NUSAP1: variants seen among roughly 807,000 people sequenced by gnomAD.
NUSAP1 encodes nucleolar and spindle-associated protein 1.
Under a neutral mutation model 52.8 loss-of-function variants are expected in NUSAP1, and 32 were observed. That is an observed-to-expected ratio of 0.61 (90% CI 0.46 to 0.81). NUSAP1 has a LOEUF of 0.81. Among genes scored for constraint, NUSAP1 ranks in the 40% least tolerant of loss-of-function variants. NUSAP1 has a pLI of 0.00. For missense variants in NUSAP1, 499 were observed against 522.3 expected, an observed-to-expected ratio of 0.96 and a Z score of 0.43; for synonymous variants, 195 against 183.1, an observed-to-expected ratio of 1.06 and a Z score of -0.52.
At chr15:41,364,134 A>G (rs1268965731) in intron 6 of NUSAP1, among the ~76,000 whole-genome samples, 1 of 152,116 alleles carries the variant, frequency 6.6e-6, no homozygotes, top group African/African-American at 2.4e-5. Context: ...CACCTGGCCT[A>G]AGTTTATATT....
intron 3 of NUSAP1, 161 bp downstream of exon 3, chr15:41,349,402 A>G (rs186761130): frequency 9.4e-5 from 59 of 626,324 alleles, no homozygotes; most frequent in Non-Finnish European, 1.5e-4. Flanking sequence ...GCTGCTCATC[A>G]CTGCATCCCA....
chr15:41,368,425 T>C (rs2049508785), intron 7 of NUSAP1, among the ~76,000 whole-genome samples: 1 of 152,186 alleles, frequency 6.6e-6, no homozygotes, highest in South Asian at 2.1e-4. Context: ...AAGTATCTCA[T>C]TACAGTGAAC....
chr15:41,364,171 G>A (rs1410276173), intron 6 of NUSAP1, among the ~76,000 whole-genome samples: 2 of 152,108 alleles, frequency 1.3e-5, no homozygotes, highest in Non-Finnish European at 2.9e-5. Flanking sequence ...ACGTCTCAAA[G>A]CTTCCGTATT....
At position 41,342,431 on chromosome 15, in the gene NUSAP1, G is replaced by A; in HGVS notation, c.139G>A (p.Ala47Thr). The change falls in exon 2 of 11, where the codon GCA (alanine) becomes ACA (threonine). Residue 47 changes from alanine to threonine, a missense_variant. Physicochemically the swap from Ala to Thr is moderately conservative, Grantham distance 58. Coordinates refer to ENST00000559596, the MANE Select transcript of NUSAP1 (RefSeq NM_016359.5). ...KALKGYIKHEARKGNENQDES... is the reference protein window; with the variant it reads ...KALKGYIKHETRKGNENQDES... ...CTTGAAAGGCTACATTAAACATGAG[G>A]CAAGAAAAGGAAATGAGAATCAGGT... 1.9e-6 allele frequency: 3 copies of A among 1,592,846 alleles called. No individual in the cohort carries two copies. The East Asian group carries it at 6.7e-5, about 36-fold the overall frequency.
rs367568051 is a variant in NUSAP1, at chr15:41,367,396, G to C, written c.848+1807G>C. Reference sequence around the variant, plus strand: ...TTGAGCACATCTGCCTAGGCTCCAAGCAACTGGGGTCATGGTGTTGCAGCC... The same window carrying C: ...TTGAGCACATCTGCCTAGGCTCCAACCAACTGGGGTCATGGTGTTGCAGCC... On this transcript the variant is annotated intron_variant, in intron 7 of 10. Coordinates refer to ENST00000559596, the MANE Select transcript of NUSAP1 (RefSeq NM_016359.5). 1.1e-4 allele frequency among the ~76,000 whole-genome samples: 17 copies of C among 152,302 alleles called. No individual in the cohort carries two copies. In the East Asian group the frequency reaches 2.1e-3, roughly 19 times the overall value.
intron 10 of NUSAP1, among the ~76,000 whole-genome samples, chr15:41,378,186 G>A (rs1256110614): frequency 6.6e-6 from 1 of 152,126 alleles, no homozygotes; most frequent in African/African-American, 2.4e-5. Flanking sequence ...TAAACACAGG[G>A]CATGTGGGTA....
At chr15:41,334,736 T>C (rs1469051674) in intron 1 of NUSAP1, among the ~76,000 whole-genome samples, 1 of 151,788 alleles carries the variant, frequency 6.6e-6, no homozygotes, top group Non-Finnish European at 1.5e-5. Flanking sequence ...TTAGTAGAGA[T>C]AGGGTTTCAC....
rs543251589 is a variant in NUSAP1, at chr15:41,377,773, G to A, written c.1232+469G>A. On this transcript the variant is annotated intron_variant, in intron 10 of 10. Transcript: ENST00000559596. ...TAATCCCAGCACTTTGGGAGGCCGA[G>A]GGGGGCAGATCACGAGGTCAGATCG... 4.7e-5 allele frequency among the ~76,000 whole-genome samples: 7 copies of A among 150,282 alleles called. No homozygotes were observed. The East Asian group carries it at 1.4e-3, about 30-fold the overall frequency.
At chr15:41,349,057 T>C (rs774963696) in intron 2 of NUSAP1, 41 bp from the exon 3 acceptor site, 1 of 1,590,050 alleles carries the variant, frequency 6.3e-7, no homozygotes, top group South Asian at 1.1e-5. Context: ...GCATTATAAC[T>C]GTAGACATAG....
chr15:41,378,952 T>G (rs916768112), intron 10 of NUSAP1, among the ~76,000 whole-genome samples: 1 of 104,678 alleles, frequency 9.6e-6, no homozygotes, highest in African/African-American at 4.0e-5. Flanking sequence ...TGGTTTTTTT[T>G]TTTTTTTTTT....
chr15:41,366,715 G>C (rs1363543829), intron 7 of NUSAP1, among the ~76,000 whole-genome samples: 4 of 151,856 alleles, frequency 2.6e-5, no homozygotes. Context: ...TTCTTTTTCT[G>C]GTATTTCATA....
intron 8 of NUSAP1, among the ~76,000 whole-genome samples, 157 bp from the exon 9 acceptor site, chr15:41,375,555 C>T (rs1044402386): frequency 6.6e-6 from 1 of 152,160 alleles, no homozygotes; most frequent in Non-Finnish European, 1.5e-5. Flanking sequence ...TCGTGATCCG[C>T]CCACCTCGGC....
intron 6 of NUSAP1, among the ~76,000 whole-genome samples, chr15:41,360,964 G>A (rs1467827813): frequency 6.6e-6 from 1 of 152,080 alleles, no homozygotes; most frequent in South Asian, 2.1e-4. Context: ...CATGGTGGTG[G>A]GTGCCTGTAC....
At chr15:41,348,441 A>C (rs2048661804) in intron 2 of NUSAP1, among the ~76,000 whole-genome samples, 1 of 152,052 alleles carries the variant, frequency 6.6e-6, no homozygotes, top group Non-Finnish European at 1.5e-5. Flanking sequence ...GCTGGTCTCA[A>C]AGTCCTGGGC....
intron 1 of NUSAP1, among the ~76,000 whole-genome samples, chr15:41,333,296 A>G (rs1014743237): frequency 6.6e-6 from 1 of 152,038 alleles, no homozygotes; most frequent in African/African-American, 2.4e-5. Context: ...ATTCCGAGGG[A>G]TGGTTTATTG....
chr15:41,361,026 G>A (rs1198057648), intron 6 of NUSAP1, among the ~76,000 whole-genome samples: 1 of 151,858 alleles, frequency 6.6e-6, no homozygotes, highest in African/African-American at 2.4e-5. Flanking sequence ...CCCAGGAGGT[G>A]GAGGTTGCAG....
At chr15:41,372,040 T>C (rs1405742694) in intron 8 of NUSAP1, among the ~76,000 whole-genome samples, 1 of 152,158 alleles carries the variant, frequency 6.6e-6, no homozygotes, top group African/African-American at 2.4e-5. Context: ...AGTGCTGGGA[T>C]TACAAGCGTG....
At chr15:41,356,959 G>C (rs1313536829) in intron 5 of NUSAP1, among the ~76,000 whole-genome samples, 1 of 152,134 alleles carries the variant, frequency 6.6e-6, no homozygotes, top group Non-Finnish European at 1.5e-5. Flanking sequence ...TTCAATAAAT[G>C]TTCATATACT....
chr15:41,351,317 GC>G (rs1462350156), intron 4 of NUSAP1, among the ~76,000 whole-genome samples, 188 bp downstream of exon 4: 2 of 152,164 alleles, frequency 1.3e-5, no homozygotes, highest in African/African-American at 4.8e-5. Flanking sequence ...GCAGGACCAT[GC>G]TTCTCTGAGA....
Sources: gnomAD v4.1 joint callset for allele counts (sites outside exome capture counted in the v4.1 genomes callset) on GRCh38, gnomAD v4.1.1 for gene constraint, MANE v1.5 for transcripts, NCBI Gene and HGNC (gene_info 2026-07-23, HGNC 2026-07-21) for gene names.